Variants in TXNRD2 observed in about 807,000 individuals in gnomAD.
The protein encoded by TXNRD2 is thioredoxin reductase 2, mitochondrial.
TXNRD2 carries 67 observed loss-of-function variants against 70.8 expected under a neutral mutation model. The observed-to-expected ratio is 0.95, with a 90% CI of 0.78 to 1.16. TXNRD2 has a LOEUF of 1.16. TXNRD2 is among the 50% of genes most tolerant of loss of function. TXNRD2 has a pLI of 0.00. For synonymous variants in TXNRD2, 301 were observed against 295.8 expected (o/e 1.02, Z -0.18); for missense variants, 644 against 719.9 (o/e 0.89, Z 1.21).
chr22:19,876,693 G>A (rs1938519859), intron 17 of TXNRD2: 1 of 158,720 alleles, frequency 6.3e-6, no homozygotes, highest in Non-Finnish European at 1.4e-5. Flanking sequence ...GCAGCCCCCT[G>A]TGGGGCAGCA....
intron 1 of TXNRD2, among the ~76,000 whole-genome samples, 198 bp from the exon 2 acceptor site, chr22:19,931,296 G>A (rs540016105): frequency 9.8e-5 from 15 of 152,348 alleles, no homozygotes; most frequent in African/African-American, 1.7e-4. Context: ...GAGGTTGGCC[G>A]TGGGCGTGTG....
intron 11 of TXNRD2, among the ~76,000 whole-genome samples, chr22:19,886,006 T>C (rs969433048): frequency 6.6e-6 from 1 of 152,250 alleles, no homozygotes; most frequent in African/African-American, 2.4e-5. Context: ...GGGAATGTAA[T>C]GGAGCCACTA....
chr22:19,937,727 G>A lies in TXNRD2; in HGVS notation c.103+3974C>T, dbSNP rs542964395. On this transcript the variant is annotated intron_variant, in intron 1 of 17. Transcript: ENST00000400521. ...ACTACACTGTTAAAAACTTAAAAGC[G>A]GCCAAGCCGGCTCAACAAACACGGC... Among the ~76,000 whole-genome samples the A allele has an allele frequency of 4.6e-5, 7 of 152,260 alleles. No individual in the cohort carries two copies. In the East Asian group the frequency reaches 9.6e-4, roughly 21 times the overall value.
intron 17 of TXNRD2, chr22:19,876,729 C>G (rs7288170): frequency 0.27 from 45,646 of 170,384 alleles, 9,706 homozygotes; most frequent in African/African-American, 0.61. Context: ...CTTTAGCCCA[C>G]CCGGGACACC....
At position 19,880,645 on chromosome 22, in the gene TXNRD2, A is replaced by G. The variant is rs746938757; in HGVS notation, c.1159T>C (p.Ser387Pro). Reference protein sequence around the residue: ...LLVQRLFGGSSDLMDYDNVPT... With the variant: ...LLVQRLFGGSPDLMDYDNVPT... ...ACATTGTCGTAGTCCATCAGATCTG[A>G]GGACCCGCCGAAGAGCCGCTGCACC... The change falls in exon 13 of 18, where the codon TCA (serine) becomes CCA (proline). Residue 387 changes from serine to proline, a missense_variant. Ser to Pro is a moderately conservative substitution (Grantham distance 74). Transcript: ENST00000400521. The G allele has an allele frequency of 7.4e-6, 12 of 1,613,306 alleles. No individual in the cohort carries two copies. The highest frequency in any genetic ancestry group is 7.6e-6 in the Non-Finnish European group (9 of 1,180,006).
chr22:19,915,620 G>T (rs1486859046), intron 6 of TXNRD2, 145 bp downstream of exon 6: 3 of 766,392 alleles, frequency 3.9e-6, no homozygotes, highest in Non-Finnish European at 6.8e-6. Flanking sequence ...TTAAAGACAA[G>T]TGCCCAGCCT....
At chr22:19,881,944 C>T (rs1938798638) in intron 12 of TXNRD2, among the ~76,000 whole-genome samples, 2 of 152,158 alleles carry the variant, frequency 1.3e-5, no homozygotes, top group Non-Finnish European at 2.9e-5. Flanking sequence ...CTGCCTGGAG[C>T]CTCAGAGTGT....
chr22:19,880,073 TG>T, intron 14 of TXNRD2, 105 bp downstream of exon 14: 1 of 1,208,686 alleles, frequency 8.3e-7, no homozygotes, highest in Non-Finnish European at 1.2e-6. Flanking sequence ...TCAGGGCCCC[TG>T]GAAAGGAGAG....
At chr22:19,930,122 C>T (rs554542877) in intron 2 of TXNRD2, among the ~76,000 whole-genome samples, 5 of 152,282 alleles carry the variant, frequency 3.3e-5, no homozygotes, top group Admixed American at 6.5e-5. Flanking sequence ...GGTGCCTCTG[C>T]GGATCCCCAA....
intron 2 of TXNRD2, among the ~76,000 whole-genome samples, chr22:19,924,014 A>G (rs1941023616): frequency 6.6e-6 from 1 of 150,666 alleles, no homozygotes; most frequent in African/African-American, 2.4e-5. Flanking sequence ...TTTTTCTTTT[A>G]AAGAGACAGA....
In TXNRD2 at chr22:19,877,217, G is replaced by A. The variant is rs752947034; in HGVS notation, c.1463C>T (p.Ala488Val). Residue 488 changes from alanine (A) to valine (V), a missense_variant, in exon 17 of 18, where the codon GCG (alanine) becomes GTG (valine). By Grantham distance (64) the Ala-to-Val change is moderately conservative. Around this residue, in one of 3 missense-constraint regions of TXNRD2, gnomAD observed 566 missense variants for 645.0 expected, o/e 0.88. Transcript: ENST00000400521. ...ALGIKCGASY[A>V]QVMRTVGIHP... is the part of the protein sequence containing the mutation. ...GATACCCACGGTCCGCATCACCTGC[G>A]CATAGGAAGCCCCACACCTGCACAT... is the stretch of plus-strand genomic sequence containing the variant. 12 of 1,610,916 alleles carry A rather than the reference G, an allele frequency of 7.4e-6. No homozygotes were observed. The highest frequency in any genetic ancestry group is 4.4e-5 in the South Asian group (4 of 91,054).
At position 19,893,633 on chromosome 22, in the gene TXNRD2, C is replaced by T. The variant is rs572617316; in HGVS notation, c.949+1774G>A. 7.9e-5 allele frequency among the ~76,000 whole-genome samples: 12 copies of T among 152,334 alleles called. No homozygotes were observed. In the South Asian group the frequency reaches 2.5e-3, roughly 32 times the overall value. On this transcript the variant is annotated intron_variant, in intron 11 of 17. Coordinates refer to ENST00000400521, the MANE Select transcript of TXNRD2 (RefSeq NM_006440.5). ...ATCCCCTGGCTGTGTCCACACTCCCCACACCTGCTCGGCCACTGCCCCATG... is the reference window on the plus strand; with the variant it reads ...ATCCCCTGGCTGTGTCCACACTCCCTACACCTGCTCGGCCACTGCCCCATG...
chr22:19,940,408 A>G (rs72547471), intron 1 of TXNRD2, among the ~76,000 whole-genome samples: 6 of 152,096 alleles, frequency 3.9e-5, no homozygotes, highest in African/African-American at 1.2e-4. Context: ...TCATCATCCT[A>G]TTTTGCATAG....
intron 2 of TXNRD2, among the ~76,000 whole-genome samples, chr22:19,921,502 C>T (rs1940916280): frequency 6.6e-6 from 1 of 152,084 alleles, no homozygotes; most frequent in African/African-American, 2.4e-5. Flanking sequence ...TTTACCCTCC[C>T]CCTGAAGCAA....
intron 10 of TXNRD2, 53 bp from the exon 11 acceptor site, chr22:19,895,634 G>A (rs879213038): frequency 6.3e-7 from 1 of 1,595,366 alleles, no homozygotes; most frequent in Non-Finnish European, 8.5e-7. Context: ...TGGGAGAGAG[G>A]CTCTGGCCCT....
At chr22:19,891,249 G>T (rs896503078) in intron 11 of TXNRD2, among the ~76,000 whole-genome samples, 2 of 152,196 alleles carry the variant, frequency 1.3e-5, no homozygotes, top group Admixed American at 1.3e-4. Context: ...AGGCAGACCT[G>T]TGGCCACCCT....
chr22:19,931,063 C>T lies in TXNRD2; in HGVS notation c.139G>A (p.Gly47Arg), dbSNP rs759298418. Residue 47 changes from glycine (G) to arginine (R), a missense_variant, in exon 2 of 18, where the codon GGG becomes AGG. Gly to Arg is a moderately radical substitution (Grantham distance 125). Coordinates refer to ENST00000400521, the MANE Select transcript of TXNRD2 (RefSeq NM_006440.5). ...QRDYDLLVVG[G>R]GSGGLACAKE... ...GCACAAGCCAGGCCACCAGATCCCC[C>T]GCCGACCACCAGGAGATCATAGTCC... 4.5e-5 allele frequency: 72 copies of T among 1,613,570 alleles called. No homozygotes were observed. Among genetic ancestry groups the T allele is most frequent in the Non-Finnish European group, 5.3e-5 (63 of 1,180,008 alleles).
At chr22:19,909,988 A>C (rs1433560918) in intron 8 of TXNRD2, among the ~76,000 whole-genome samples, 1 of 151,488 alleles carries the variant, frequency 6.6e-6, no homozygotes, top group Non-Finnish European at 1.5e-5. Flanking sequence ...CACCATTCAC[A>C]CACACACACC....
At chr22:19,936,463 C>G (rs1401649421) in intron 1 of TXNRD2, among the ~76,000 whole-genome samples, 3 of 152,132 alleles carry the variant, frequency 2.0e-5, no homozygotes, top group Admixed American at 2.0e-4. Flanking sequence ...AGCCCAGGAC[C>G]ATATCTATGC....
Sources: gnomAD v4.1 joint callset for allele counts (sites outside exome capture counted in the v4.1 genomes callset) on GRCh38, gnomAD v4.1.1 for gene constraint, gnomAD v4.1.1 regional missense constraint, MANE v1.5 for transcripts, NCBI Gene and HGNC (gene_info 2026-07-23, HGNC 2026-07-21) for gene names.